MED13: variants seen among roughly 807,000 people sequenced by gnomAD.
The protein encoded by MED13 is mediator complex subunit 13.
A neutral mutation model predicts 225.2 loss-of-function variants in MED13; 23 were observed. The ratio of observed to expected loss-of-function variants is 0.10; its 90% CI spans 0.07 to 0.14. The LOEUF is 0.14. MED13 is among the 10% of genes least tolerant of loss of function. The probability of loss-of-function intolerance (pLI) is 1.00; values close to 1 mark genes in which losing one functional copy is unlikely to be tolerated. For missense variants in MED13, 2,197 were observed against 2,594.5 expected, an observed-to-expected ratio of 0.85 and a Z score of 3.33; for synonymous variants, 942 against 889.2, an observed-to-expected ratio of 1.06 and a Z score of -1.06.
intron 4 of MED13, 142 bp downstream of exon 4, chr17:62,035,321 G>C (rs2080792921): frequency 1.3e-6 from 1 of 765,618 alleles, no homozygotes; most frequent in Non-Finnish European, 2.0e-6. Context: ...CTGTAATGGG[G>C]AAGGAAAAAG....
At chr17:61,967,594 A>C (rs1567948791) in intron 18 of MED13, among the ~76,000 whole-genome samples, 1 of 152,244 alleles carries the variant, frequency 6.6e-6, no homozygotes, top group South Asian at 2.1e-4. Context: ...ACTTAAAAGA[A>C]GAGGCAAGAA....
At chr17:62,053,223 A>G (rs1225624781) in intron 2 of MED13, among the ~76,000 whole-genome samples, 1 of 152,214 alleles carries the variant, frequency 6.6e-6, no homozygotes, top group Non-Finnish European at 1.5e-5. Context: ...AGCTGTTGGC[A>G]CAGAGCCTAA....
Position 61,965,403 on chromosome 17 carries a change from T to A in MED13, c.4447A>T (p.Thr1483Ser). 6.2e-7 allele frequency: 1 copy of A among 1,614,122 alleles called. No individual in the cohort carries two copies. Among genetic ancestry groups the A allele is most frequent in the South Asian group, 1.1e-5 (1 of 91,084 alleles). The part of the protein sequence containing the change: ...LLSQPNLVAP[T>S]SQSLITPPQM... ...GGTGGAGTAATCAAAGACTGACTTG[T>A]AGGGGCAACTAAATTTGGCTGGGAA... Residue 1483 changes from threonine to serine, a missense_variant, in exon 20 of 30, where the codon ACA (threonine) becomes TCA (serine). Physicochemically the swap from Thr to Ser is moderately conservative, Grantham distance 58 (BLOSUM62 1). Around this residue, in one of 12 missense-constraint regions of MED13, gnomAD observed 457 missense variants for 442.2 expected, o/e 1.03. Coordinates refer to ENST00000397786, the MANE Select transcript of MED13 (RefSeq NM_005121.3).
intron 8 of MED13, among the ~76,000 whole-genome samples, chr17:62,022,043 C>G (rs916526650): frequency 6.6e-6 from 1 of 151,842 alleles, no homozygotes; most frequent in Non-Finnish European, 1.5e-5. Context: ...TGGTATATAC[C>G]TGTAGCACCA....
At position 61,992,414 on chromosome 17, in the gene MED13, A is replaced by T. The variant is rs1048633336; in HGVS notation, c.2263+126T>A. Reference sequence around the variant, plus strand: ...ATAACCAATAAACCCATCATTTAAGAAAGATTCCTTTCTATGAAACATAAT... The same window carrying T: ...ATAACCAATAAACCCATCATTTAAGTAAGATTCCTTTCTATGAAACATAAT... On this transcript the variant is annotated intron_variant, in intron 11 of 29. Coordinates refer to ENST00000397786, the MANE Select transcript of MED13 (RefSeq NM_005121.3). 4 of 574,150 alleles carry T rather than the reference A, an allele frequency of 7.0e-6. No homozygotes were observed. The East Asian group carries it at 1.2e-4, about 17-fold the overall frequency. 35.6% of individuals were successfully genotyped at this position (574,150 alleles called of 1,614,324 possible). A position where few individuals can be genotyped will look rare whatever the true frequency, so the allele number is the denominator to read the frequency against.
At chr17:62,019,180 T>C (rs948145918) in intron 8 of MED13, among the ~76,000 whole-genome samples, 9 of 152,176 alleles carry the variant, frequency 5.9e-5, no homozygotes, top group East Asian at 1.9e-4. Context: ...TATCCAGCAA[T>C]AGGCCGAATG....
chr17:61,989,886 T>C (rs2080280339), intron 11 of MED13, among the ~76,000 whole-genome samples: 1 of 152,230 alleles, frequency 6.6e-6, no homozygotes, highest in Non-Finnish European at 1.5e-5. Context: ...AGGATTGTTT[T>C]TTCTATTACT....
intron 3 of MED13, among the ~76,000 whole-genome samples, chr17:62,039,696 A>G (rs2080837082): frequency 6.6e-6 from 1 of 150,896 alleles, no homozygotes; most frequent in Non-Finnish European, 1.5e-5. Flanking sequence ...GGTTCAAGCA[A>G]TTCTCTTGCC....
At chr17:61,979,186 T>C (rs2080182417) in intron 16 of MED13, among the ~76,000 whole-genome samples, 1 of 152,204 alleles carries the variant, frequency 6.6e-6, no homozygotes, top group Non-Finnish European at 1.5e-5. Context: ...TGGGACTTGT[T>C]CCCTCTTCCT....
chr17:62,000,469 CATAG>C (rs2080384810), intron 9 of MED13, among the ~76,000 whole-genome samples: 1 of 152,200 alleles, frequency 6.6e-6, no homozygotes, highest in African/African-American at 2.4e-5. Flanking sequence ...ATTACATGTA[CATAG>C]CTAAAGTCAT....
At chr17:61,979,042 T>A (rs1159316560) in intron 16 of MED13, among the ~76,000 whole-genome samples, 1 of 152,228 alleles carries the variant, frequency 6.6e-6, no homozygotes, top group Non-Finnish European at 1.5e-5. Flanking sequence ...CATGTGAAAT[T>A]TCAAGAATTA....
intron 2 of MED13, among the ~76,000 whole-genome samples, chr17:62,059,729 G>A (rs1052988907): frequency 8.5e-5 from 13 of 152,128 alleles, no homozygotes; most frequent in Non-Finnish European, 1.3e-4. Flanking sequence ...GGAGGTAGAC[G>A]CTGTCCCTAG....
At position 61,981,493 on chromosome 17, in the gene MED13, T is replaced by C. The variant is rs1414194570; in HGVS notation, c.3805+705A>G. 2.0e-5 allele frequency among the ~76,000 whole-genome samples: 3 copies of C among 151,050 alleles called. No homozygotes were observed. The East Asian group carries it at 5.8e-4, about 29-fold the overall frequency. ...TCCTAAATTTCATCTCCTTCCAGTCTCCCTATCACACAAAGCATTCCAGCA... is the reference window on the plus strand; with the variant it reads ...TCCTAAATTTCATCTCCTTCCAGTCCCCCTATCACACAAAGCATTCCAGCA... On this transcript the variant is annotated intron_variant, in intron 16 of 29. Coordinates refer to ENST00000397786, the MANE Select transcript of MED13 (RefSeq NM_005121.3).
At chr17:61,991,053 T>C (rs2080293931) in intron 11 of MED13, among the ~76,000 whole-genome samples, 1 of 152,216 alleles carries the variant, frequency 6.6e-6, no homozygotes, top group Non-Finnish European at 1.5e-5. Flanking sequence ...AACATTTTAC[T>C]CCTATTTATT....
At chr17:62,065,103 C>A in intron 1 of MED13, 37 bp downstream of exon 1, 3 of 1,509,812 alleles carry the variant, frequency 2.0e-6, no homozygotes, top group Non-Finnish European at 2.7e-6. Flanking sequence ...CACCTCGCGG[C>A]CCCCCTCCCT....
intron 21 of MED13, among the ~76,000 whole-genome samples, chr17:61,962,181 G>A (rs2080006679): frequency 6.6e-6 from 1 of 152,170 alleles, no homozygotes; most frequent in African/African-American, 2.4e-5. Context: ...AGCTACTCAG[G>A]AGGCTGAGGC....
At chr17:62,024,275 C>G (rs2080678354) in intron 8 of MED13, among the ~76,000 whole-genome samples, 1 of 152,188 alleles carries the variant, frequency 6.6e-6, no homozygotes, top group African/African-American at 2.4e-5. Context: ...GCCTCAGCAA[C>G]CCAAAGTGCT....
intron 16 of MED13, among the ~76,000 whole-genome samples, chr17:61,979,223 T>C (rs2080182734): frequency 6.6e-6 from 1 of 152,196 alleles, no homozygotes; most frequent in Non-Finnish European, 1.5e-5. Context: ...CTAAGATTCA[T>C]CTATTTGTTA....
Position 61,946,616 on chromosome 17 carries a change from A to G in MED13, c.6393-16T>C, listed in dbSNP as rs1164169936. The stretch of plus-strand genomic sequence containing the variant: ...CAAAACAAACCTGAAAAGCAAATAA[A>G]CTGCATAAGTCATTTATTTATTTCC... On this transcript the variant is annotated splice_polypyrimidine_tract_variant and intron_variant, in intron 29 of 29. Transcript: ENST00000397786. The G allele has an allele frequency of 6.2e-7, 1 of 1,607,012 alleles. No homozygotes were observed. Among genetic ancestry groups the G allele is most frequent in the African/African-American group, 1.3e-5 (1 of 74,478 alleles).
Sources: gnomAD v4.1 joint callset for allele counts (sites outside exome capture counted in the v4.1 genomes callset) on GRCh38, gnomAD v4.1.1 for gene constraint, gnomAD v4.1.1 regional missense constraint, MANE v1.5 for transcripts, NCBI Gene and HGNC (gene_info 2026-07-23, HGNC 2026-07-21) for gene names.